Variants in GABRB1 observed in about 807,000 individuals in gnomAD.
GABRB1 encodes the protein gamma-aminobutyric acid receptor subunit beta-1.
In GABRB1, 17 loss-of-function variants were observed where a neutral mutation model predicts 51.6. The ratio of observed to expected loss-of-function variants is 0.33; its 90% confidence interval spans 0.23 to 0.49. The LOEUF (loss-of-function observed/expected upper bound fraction) is 0.49. GABRB1 is among the 20% of genes least tolerant of loss of function. GABRB1 has a pLI of 0.99. For missense variants in GABRB1, 410 were observed against 600.6 expected (o/e 0.68, Z 3.32); for synonymous variants, 247 against 218.9 (o/e 1.13, Z -1.14).
chr4:47,293,598 A>C (rs1424981905), intron 4 of GABRB1, among the ~76,000 whole-genome samples: 1 of 152,236 alleles, frequency 6.6e-6, no homozygotes, highest in African/African-American at 2.4e-5. Flanking sequence ...AAATCAAAAA[A>C]TTATGAAAGA....
intron 3 of GABRB1, among the ~76,000 whole-genome samples, chr4:47,080,801 G>A (rs755857074): frequency 9.1e-4 from 139 of 152,284 alleles, no homozygotes; most frequent in Non-Finnish European, 6.9e-4. Context: ...GTTCTGTGGG[G>A]AAGATGTTTA....
chr4:47,323,661 A>G (rs1450663373), intron 5 of GABRB1, among the ~76,000 whole-genome samples: 2 of 152,172 alleles, frequency 1.3e-5, no homozygotes, highest in African/African-American at 4.8e-5. Flanking sequence ...TTTGTGACCA[A>G]CAGAGTGGAA....
chr4:47,386,031 G>T (rs998929477), intron 5 of GABRB1, among the ~76,000 whole-genome samples: 12 of 152,324 alleles, frequency 7.9e-5, no homozygotes, highest in Admixed American at 1.3e-4. Flanking sequence ...AGCCTGGAAG[G>T]TCTTTGAACA....
At chr4:47,303,524 G>A (rs1477293785) in intron 4 of GABRB1, among the ~76,000 whole-genome samples, 3 of 151,664 alleles carry the variant, frequency 2.0e-5, no homozygotes, top group Non-Finnish European at 4.4e-5. Context: ...CAGTTTTAAT[G>A]CTTCTCTAAA....
rs1490587350 is a variant in GABRB1 at position 47,135,174 on chromosome 4, GA to G, written c.241-26070del. Among the ~76,000 whole-genome samples the G allele has an allele frequency of 5.3e-5, 8 of 152,184 alleles. No homozygotes were observed. The East Asian group carries it at 1.2e-3, about 22-fold the overall frequency. On this transcript the variant is annotated intron_variant, in intron 3 of 8. Transcript: ENST00000295454. ...AAAGTAGTAAAATATTTTCTTCCTG[GA>G]AAAACTGGAGCATGACTTGGATATT...
intron 4 of GABRB1, among the ~76,000 whole-genome samples, chr4:47,305,002 T>C (rs1724393844): frequency 1.3e-5 from 2 of 152,090 alleles, no homozygotes; most frequent in South Asian, 4.1e-4. Context: ...GCCTCATTCA[T>C]TTATTCTTTT....
At chr4:47,105,810 G>A (rs1165265648) in intron 3 of GABRB1, among the ~76,000 whole-genome samples, 1 of 152,096 alleles carries the variant, frequency 6.6e-6, no homozygotes, top group Non-Finnish European at 1.5e-5. Context: ...CATAAGAACT[G>A]TGGAGAGGAT....
chr4:47,156,210 A>T (rs1717691485), intron 3 of GABRB1, among the ~76,000 whole-genome samples: 1 of 151,464 alleles, frequency 6.6e-6, no homozygotes, highest in Non-Finnish European at 1.5e-5. Context: ...CCTTTTCTCC[A>T]CATCCTTTCC....
chr4:47,045,371 A>G (rs1726035468), intron 3 of GABRB1, among the ~76,000 whole-genome samples: 1 of 152,100 alleles, frequency 6.6e-6, no homozygotes, highest in Non-Finnish European at 1.5e-5. Flanking sequence ...CAAATATTTT[A>G]GCATAGTTCC....
intron 4 of GABRB1, among the ~76,000 whole-genome samples, chr4:47,223,758 T>A (rs1380655098): frequency 1.3e-5 from 2 of 152,076 alleles, no homozygotes; most frequent in Non-Finnish European, 2.9e-5. Context: ...ATATGTTCCA[T>A]ATGTTTAGAC....
At chr4:47,050,934 G>A (rs1726321850) in intron 3 of GABRB1, among the ~76,000 whole-genome samples, 1 of 152,090 alleles carries the variant, frequency 6.6e-6, no homozygotes, top group South Asian at 2.1e-4. Flanking sequence ...CAGCATGATG[G>A]GAAATGAATG....
At chr4:47,420,943 A>ACAC (rs1729073225) in intron 8 of GABRB1, among the ~76,000 whole-genome samples, 4 of 140,972 alleles carry the variant, frequency 2.8e-5, no homozygotes, top group Non-Finnish European at 6.2e-5. Flanking sequence ...TACACACACA[A>ACAC]ACACACACAC....
At chr4:47,123,653 TATATAAATATATATGATATG>T (rs1715930623) in intron 3 of GABRB1, among the ~76,000 whole-genome samples, 1 of 77,034 alleles carries the variant, frequency 1.3e-5, no homozygotes, top group Admixed American at 2.4e-4. Context: ...TTATTTTATA[TATATAAATATATATGATATG>T]ATATATCATA....
chr4:47,004,919 G>A (rs1724340941), intron 1 of GABRB1, among the ~76,000 whole-genome samples: 1 of 152,154 alleles, frequency 6.6e-6, no homozygotes, highest in Non-Finnish European at 1.5e-5. Context: ...AAGGTCAATG[G>A]CATGCAGTGA....
upstream of GABRB1, among the ~76,000 whole-genome samples, chr4:47,027,396 CT>C (rs1170198543): frequency 6.6e-6 from 1 of 151,414 alleles, no homozygotes; most frequent in Non-Finnish European, 1.5e-5. Context: ...TAAAAATATA[CT>C]TGGCTTATTA....
intron 3 of GABRB1, among the ~76,000 whole-genome samples, chr4:47,089,203 T>G (rs1273066234): frequency 6.6e-6 from 1 of 152,182 alleles, no homozygotes; most frequent in Non-Finnish European, 1.5e-5. Context: ...GCAGTCTGTT[T>G]TGACTGAGGT....
intron 5 of GABRB1, among the ~76,000 whole-genome samples, chr4:47,333,234 A>G: frequency 4.5e-5 from 1 of 22,344 alleles, no homozygotes; most frequent in African/African-American, 2.2e-4. Context: ...ATATATATAT[A>G]TACACACCAC....
chr4:47,329,579 G>T (rs1420263003), intron 5 of GABRB1, among the ~76,000 whole-genome samples: 2 of 147,836 alleles, frequency 1.4e-5, no homozygotes, highest in Non-Finnish European at 3.0e-5. Flanking sequence ...ATTCTAAATG[G>T]TTACCAATAC....
intron 3 of GABRB1, among the ~76,000 whole-genome samples, chr4:47,044,962 C>T (rs899763570): frequency 1.3e-5 from 2 of 152,002 alleles, no homozygotes; most frequent in African/African-American, 4.8e-5. Flanking sequence ...GTATATGGTC[C>T]TTCCATACCT....
Sources: allele counts gnomAD v4.1 joint callset (sites outside exome capture counted in the v4.1 genomes callset), GRCh38; gene constraint gnomAD v4.1.1; transcripts MANE v1.5; gene names NCBI Gene and HGNC (gene_info 2026-07-23, HGNC 2026-07-21).